Variants in ZBTB20 observed in about 807,000 individuals in gnomAD.
ZBTB20 encodes the protein zinc finger and BTB domain containing 20, also known as zinc finger and BTB domain-containing protein 20.
A neutral mutation model predicts 56.9 loss-of-function variants in ZBTB20; 9 were observed. That is an observed-to-expected ratio of 0.16 (90% CI 0.10 to 0.28). The LOEUF is 0.28. Ranked by LOEUF, ZBTB20 falls within the 10% of genes least tolerant of loss-of-function variation. The pLI, the probability that ZBTB20 is intolerant of heterozygous loss-of-function variation, is 1.00. For synonymous variants in ZBTB20, 417 were observed against 420.7 expected (o/e 0.99, Z 0.11); for missense variants, 655 against 1,003.0 (o/e 0.65, Z 4.69).
At chr3:114,618,640 AACAGTCTGTGTACAGT>A (rs1337532092) in intron 6 of ZBTB20, among the ~76,000 whole-genome samples, 3 of 152,206 alleles carry the variant, frequency 2.0e-5, no homozygotes, top group Non-Finnish European at 4.4e-5. Context: ...ATAATGAAGA[AACAGTCTGTGTACAGT>A]ACAGTCTGTG....
rs571878881 is a variant in ZBTB20 at position 114,341,191 on chromosome 3, T to A, written c.1805-1765A>T. On this transcript the variant is annotated intron_variant, in intron 11 of 11. Coordinates refer to ENST00000675478, the MANE Select transcript of ZBTB20 (RefSeq NM_001348800.3). The stretch of plus-strand genomic sequence containing the variant: ...TACTTTTAGATTAAAACAGGAAAGG[T>A]TAGGGAAGCCTCATTGCTAATAATC... Among the ~76,000 whole-genome samples the A allele has an allele frequency of 1.2e-3, 179 of 152,270 alleles. 3 individuals carry two copies. Among genetic ancestry groups the A allele is most frequent in the Non-Finnish European group, 4.6e-4 (31 of 68,020 alleles).
intron 8 of ZBTB20, among the ~76,000 whole-genome samples, chr3:114,381,212 C>T (rs1438289507): frequency 6.6e-6 from 1 of 152,168 alleles, no homozygotes; most frequent in East Asian, 1.9e-4. Flanking sequence ...GATTTTTCTA[C>T]TCCAACTCTT....
rs1253300601 is a variant in ZBTB20, at chr3:114,339,723, A to G, written c.1805-297T>C. ...TTCCCCACTAAAAGTCTTCAAGGTCACTCCGTGGAAAAGGGAGGGCTACTT... is the reference window on the plus strand; with the variant it reads ...TTCCCCACTAAAAGTCTTCAAGGTCGCTCCGTGGAAAAGGGAGGGCTACTT... On this transcript the variant is annotated intron_variant, in intron 11 of 11. Transcript: ENST00000675478. The surrounding 1 kb of genome is among the most constrained non-coding windows in gnomAD (Gnocchi z 4.2). Among the ~76,000 whole-genome samples the G allele has an allele frequency of 3.9e-5, 6 of 151,960 alleles. No homozygotes were observed. In the East Asian group the frequency reaches 9.7e-4, roughly 25 times the overall value.
At chr3:114,682,102 A>G (rs1428484185) in intron 6 of ZBTB20, among the ~76,000 whole-genome samples, 1 of 152,212 alleles carries the variant, frequency 6.6e-6, no homozygotes, top group Non-Finnish European at 1.5e-5. Context: ...AGGATGGTGA[A>G]TGTGGAATAA....
chr3:114,842,570 G>C (rs1040933465), intron 4 of ZBTB20, among the ~76,000 whole-genome samples: 24 of 152,178 alleles, frequency 1.6e-4, no homozygotes, highest in Admixed American at 1.5e-3. Flanking sequence ...AGTTAAGAAA[G>C]AGGAGTGTAG....
At chr3:114,764,881 A>G (rs1440723000) in intron 5 of ZBTB20, among the ~76,000 whole-genome samples, 1 of 152,220 alleles carries the variant, frequency 6.6e-6, no homozygotes, top group African/African-American at 2.4e-5. Context: ...GCCATAAGGT[A>G]CACGCTGTTG....
intron 5 of ZBTB20, among the ~76,000 whole-genome samples, chr3:114,790,316 G>C (rs1199628858): frequency 6.6e-6 from 1 of 152,056 alleles, no homozygotes; most frequent in Non-Finnish European, 1.5e-5. Context: ...AATCTTTCCT[G>C]ATTCCTTTTT....
chr3:114,478,064 C>T (rs2041067462), intron 7 of ZBTB20, among the ~76,000 whole-genome samples: 1 of 151,158 alleles, frequency 6.6e-6, no homozygotes, highest in Non-Finnish European at 1.5e-5. Flanking sequence ...CACCGCAACC[C>T]CTGCCTCCTG....
chr3:114,583,401 A>T (rs2054854980), intron 6 of ZBTB20, among the ~76,000 whole-genome samples: 1 of 152,236 alleles, frequency 6.6e-6, no homozygotes, highest in African/African-American at 2.4e-5. Flanking sequence ...AAACAAAAAT[A>T]AACACAAACA....
intron 7 of ZBTB20, among the ~76,000 whole-genome samples, 175 bp downstream of exon 7, chr3:114,500,177 T>G (rs770342363): frequency 6.6e-6 from 1 of 152,180 alleles, no homozygotes; most frequent in Admixed American, 6.5e-5. Context: ...CCCTCATGGA[T>G]AGCAACTTAG....
At chr3:115,063,644 G>T (rs1396641021) in intron 2 of ZBTB20, among the ~76,000 whole-genome samples, 1 of 126,112 alleles carries the variant, frequency 7.9e-6, no homozygotes, top group East Asian at 2.5e-4. Flanking sequence ...TCTCATTATT[G>T]TCAAAGCAAC....
chr3:114,996,034 G>T (rs975425503), intron 2 of ZBTB20, among the ~76,000 whole-genome samples: 1 of 151,752 alleles, frequency 6.6e-6, no homozygotes. Context: ...GATCAAAGAA[G>T]TTCCACAATA....
At chr3:114,394,365 T>C (rs1159245025) in intron 7 of ZBTB20, among the ~76,000 whole-genome samples, 4 of 152,160 alleles carry the variant, frequency 2.6e-5, no homozygotes, top group Admixed American at 2.6e-4. Context: ...ACTGTTCCAA[T>C]GCAGCATGGA....
intron 5 of ZBTB20, among the ~76,000 whole-genome samples, chr3:114,787,331 T>TTTATA (rs1465612106): frequency 9.9e-5 from 10 of 100,574 alleles, no homozygotes; most frequent in Non-Finnish European, 1.6e-4. Flanking sequence ...TCTTAAAAGG[T>TTTATA]TATATATATA....
At chr3:114,896,341 G>C (rs2074877485) in intron 4 of ZBTB20, among the ~76,000 whole-genome samples, 1 of 152,054 alleles carries the variant, frequency 6.6e-6, no homozygotes, top group South Asian at 2.1e-4. Context: ...AAACATGGAA[G>C]CAATCCAAGT....
At chr3:115,070,064 T>C in intron 2 of ZBTB20, among the ~76,000 whole-genome samples, 1 of 152,146 alleles carries the variant, frequency 6.6e-6, no homozygotes, top group East Asian at 1.9e-4. Context: ...TTTTCCTTCT[T>C]GCTTAAACTA....
intron 4 of ZBTB20, among the ~76,000 whole-genome samples, chr3:114,807,432 C>T (rs943355058): frequency 6.6e-6 from 1 of 151,890 alleles, no homozygotes; most frequent in South Asian, 2.1e-4. Context: ...TTCCCCTCCC[C>T]CTCCCCTGCA....
rs546724210 is a variant in ZBTB20 at position 114,498,740 on chromosome 3, T to C, written c.-255+1612A>G. On this transcript the variant is annotated intron_variant, in intron 7 of 11. Transcript: ENST00000675478. ...ATATCTCTAGAAGCTATGCAACTGA[T>C]GGCTGATGTAGCATAGAATCAGATT... 8.5e-5 allele frequency among the ~76,000 whole-genome samples: 13 copies of C among 152,338 alleles called. No individual in the cohort carries two copies. In the East Asian group the frequency reaches 2.3e-3, roughly 27 times the overall value.
At position 114,903,642 on chromosome 3, in the gene ZBTB20, C is replaced by T. The variant is rs189699891; in HGVS notation, c.-455-3300G>A. ...GAAAGGCAGTAAAGTCTAAATAATA[C>T]GTGCAGCAACACTGCCGAACTTCTC... On this transcript the variant is annotated intron_variant, in intron 3 of 11. Transcript: ENST00000675478. 7.2e-3 allele frequency among the ~76,000 whole-genome samples: 1,089 copies of T among 152,146 alleles called. 16 individuals are homozygous for T. The highest frequency in any genetic ancestry group is 6.4e-3 in the Non-Finnish European group (433 of 67,990).
Sources: allele counts gnomAD v4.1 joint callset (sites outside exome capture counted in the v4.1 genomes callset), GRCh38; gene constraint gnomAD v4.1.1; non-coding constraint Gnocchi (gnomAD v3.1); transcripts MANE v1.5; gene names NCBI Gene and HGNC (gene_info 2026-07-23, HGNC 2026-07-21).